Variants in GINS4 observed in about 807,000 individuals in gnomAD.
GINS4 encodes GINS complex subunit 4.
A neutral mutation model predicts 31.1 loss-of-function variants in GINS4; 20 were observed. The observed-to-expected ratio is 0.64, with a 90% CI of 0.45 to 0.93. GINS4 has a LOEUF of 0.93. Ranked by LOEUF, GINS4 falls within the 40% of genes least tolerant of loss-of-function variation. The pLI, the probability that GINS4 is intolerant of heterozygous loss-of-function variation, is 0.00. For missense variants in GINS4, 245 were observed against 273.9 expected, an observed-to-expected ratio of 0.89 and a Z score of 0.75; for synonymous variants, 85 against 97.9, an observed-to-expected ratio of 0.87 and a Z score of 0.78.
intron 1 of GINS4, chr8:41,529,734 A>C (rs562240865): frequency 7.6e-4 from 117 of 153,424 alleles, no homozygotes; most frequent in Non-Finnish European, 1.4e-3. Flanking sequence ...GAGCCCGGCC[A>C]GCTCCTAATA....
chr8:41,540,354 C>T (rs992066529), intron 6 of GINS4: 2 of 326,396 alleles, frequency 6.1e-6, no homozygotes, highest in Non-Finnish European at 1.2e-5. Context: ...AACATTGCCC[C>T]TGCTTAGAGG....
chr8:41,531,561 G>C lies in GINS4; in HGVS notation c.96+1263G>C, dbSNP rs149400182. Among the ~76,000 whole-genome samples, 3 of 152,288 alleles carry C rather than the reference G, an allele frequency of 2.0e-5. No homozygotes were observed. The East Asian group carries it at 5.8e-4, about 29-fold the overall frequency. ...ATGATTTTTAAATTATACCTTACAT[G>C]ATAATCCTTACTATTTAGCAGTGAT... is the stretch of plus-strand genomic sequence containing the variant. On this transcript the variant is annotated intron_variant, in intron 2 of 7. Coordinates refer to ENST00000276533, the MANE Select transcript of GINS4 (RefSeq NM_032336.3).
intron 2 of GINS4, among the ~76,000 whole-genome samples, chr8:41,533,012 C>T (rs1806675643): frequency 6.6e-6 from 1 of 152,124 alleles, no homozygotes; most frequent in Non-Finnish European, 1.5e-5. Flanking sequence ...TCCGCATGTA[C>T]TCTAGGAGAC....
At chr8:41,532,997 A>C (rs1806675193) in intron 2 of GINS4, among the ~76,000 whole-genome samples, 1 of 152,202 alleles carries the variant, frequency 6.6e-6, no homozygotes, top group African/African-American at 2.4e-5. Flanking sequence ...TACCTAGTGA[A>C]AACTTCCGCA....
At chr8:41,534,122 G>T (rs1370178221) in intron 2 of GINS4, 1 of 184,794 alleles carries the variant, frequency 5.4e-6, no homozygotes, top group Non-Finnish European at 1.2e-5. Context: ...TTGATCAGGG[G>T]CCAGGCACAG....
intron 2 of GINS4, among the ~76,000 whole-genome samples, chr8:41,532,805 C>G (rs1227350960): frequency 6.7e-6 from 1 of 149,204 alleles, no homozygotes; most frequent in African/African-American, 2.5e-5. Context: ...TGCACTCCAG[C>G]CTGGGCAACA....
chr8:41,536,349 T>A lies in GINS4; in HGVS notation c.97-11T>A. On this transcript the variant is annotated splice_polypyrimidine_tract_variant and intron_variant, in intron 2 of 7. Transcript: ENST00000276533. ...GGGTGATGCTTGCTTTTTCTGGCAT[T>A]TGTCTTTTAGGCCTGGATGAATGAA... is the stretch of plus-strand genomic sequence containing the variant. 1 of 1,576,634 alleles carries A rather than the reference T, an allele frequency of 6.3e-7. No homozygotes were observed. Among genetic ancestry groups the A allele is most frequent in the Non-Finnish European group, 8.7e-7 (1 of 1,145,890 alleles).
chr8:41,534,966 G>T (rs546535714), intron 2 of GINS4, among the ~76,000 whole-genome samples: 2 of 151,884 alleles, frequency 1.3e-5, no homozygotes, highest in African/African-American at 4.8e-5. Flanking sequence ...CTCGTGATCC[G>T]CCTGCCTCGG....
chr8:41,541,766 G>A (rs748396243), intron 6 of GINS4, 43 bp from the exon 7 acceptor site: 1 of 1,524,080 alleles, frequency 6.6e-7, no homozygotes, highest in Admixed American at 1.7e-5. Flanking sequence ...TGTTGACTTT[G>A]TTGGCCGAGG....
chr8:41,534,445 T>C (rs1806706671), intron 2 of GINS4: 1 of 168,886 alleles, frequency 5.9e-6, no homozygotes, highest in Non-Finnish European at 1.3e-5. Flanking sequence ...TGGATTTAGA[T>C]ACAAGTTTCT....
chr8:41,534,880 A>G (rs1806715650), intron 2 of GINS4, among the ~76,000 whole-genome samples: 1 of 151,810 alleles, frequency 6.6e-6, no homozygotes, highest in Non-Finnish European at 1.5e-5. Flanking sequence ...CAGGCGTGCC[A>G]CGCCCGGCTA....
chr8:41,540,141 T>C, intron 6 of GINS4, 137 bp downstream of exon 6: 1 of 674,468 alleles, frequency 1.5e-6, no homozygotes, highest in Non-Finnish European at 2.6e-6. Context: ...GGATTCTAGC[T>C]AAAAACCAAA....
At chr8:41,538,727 C>T (rs997677724) in intron 4 of GINS4, among the ~76,000 whole-genome samples, 4 of 151,706 alleles carry the variant, frequency 2.6e-5, no homozygotes. Context: ...TTTTTTTTGA[C>T]AGAGTCTCAC....
rs1230493361 is a variant in GINS4 at position 41,543,120 on chromosome 8, A to G, written c.*1033A>G. Reference sequence around the variant, plus strand: ...AACAGCTGTGGCCTTCTCCCGTCATACATCATTAGACTGTGTAAACTAACA... The same window carrying G: ...AACAGCTGTGGCCTTCTCCCGTCATGCATCATTAGACTGTGTAAACTAACA... On this transcript the variant is annotated 3_prime_UTR_variant, in exon 8 of 8. Coordinates refer to ENST00000276533, the MANE Select transcript of GINS4 (RefSeq NM_032336.3). 2 of 152,260 alleles carry G rather than the reference A, an allele frequency of 1.3e-5. No homozygotes were observed. The highest frequency in any genetic ancestry group is 4.8e-5 in the African/African-American group (2 of 41,468). 9.4% of individuals were successfully genotyped at this position (152,260 alleles called of 1,614,324 possible). A position where few individuals can be genotyped will look rare whatever the true frequency, so the allele number is the denominator to read the frequency against.
Position 41,539,994 on chromosome 8 carries a change from C to G in GINS4, c.474C>G (p.Leu158=), listed in dbSNP as rs1186023829. The G allele has an allele frequency of 6.2e-6, 10 of 1,613,430 alleles. No individual in the cohort carries two copies. Among genetic ancestry groups the G allele is most frequent in the Non-Finnish European group, 7.6e-6 (9 of 1,179,442 alleles). Residue 158 remains leucine (L), a synonymous_variant, in exon 6 of 8, where the codon CTC becomes CTG. Coordinates refer to ENST00000276533, the MANE Select transcript of GINS4 (RefSeq NM_032336.3). ...HMPPNLQKVD[L]FRAVPKPDLD... ...CCCCTAACTTACAGAAGGTGGACCTCTTTCGGGCAGGTAAACAGGACGTTC... is the reference window on the plus strand; with the variant it reads ...CCCCTAACTTACAGAAGGTGGACCTGTTTCGGGCAGGTAAACAGGACGTTC...
chr8:41,542,233 A>C lies in GINS4; in HGVS notation c.*146A>C. ...CCATCTTTACTAAAAATACAAAATAATTAGCCGGGTGTTGGTGGTGTGCAC... is the reference window on the plus strand; with the variant it reads ...CCATCTTTACTAAAAATACAAAATACTTAGCCGGGTGTTGGTGGTGTGCAC... On this transcript the variant is annotated 3_prime_UTR_variant, in exon 8 of 8. Coordinates refer to ENST00000276533, the MANE Select transcript of GINS4 (RefSeq NM_032336.3). 2 of 642,728 alleles carry C rather than the reference A, an allele frequency of 3.1e-6. No individual in the cohort carries two copies. Among genetic ancestry groups the C allele is most frequent in the Non-Finnish European group, 2.8e-6 (1 of 354,890 alleles). 39.8% of individuals were successfully genotyped at this position (642,728 alleles called of 1,614,324 possible).
At position 41,544,152 on chromosome 8, in the gene GINS4, A is replaced by C. The variant is rs1005208022; in HGVS notation, c.*2065A>C. ...TCAAAAGGGAGGGTGTTCCAGGCAG[A>C]GAAAACAGCCTGTGCAAAGGCCCTG... On this transcript the variant is annotated 3_prime_UTR_variant, in exon 8 of 8. Coordinates refer to ENST00000276533, the MANE Select transcript of GINS4 (RefSeq NM_032336.3). 6.6e-6 allele frequency: 1 copy of C among 152,352 alleles called. No individual in the cohort carries two copies. Among genetic ancestry groups the C allele is most frequent in the Non-Finnish European group, 1.5e-5 (1 of 68,096 alleles). 9.4% of individuals were successfully genotyped at this position (152,352 alleles called of 1,614,324 possible).
At chr8:41,535,804 C>T (rs980397547) in intron 2 of GINS4, among the ~76,000 whole-genome samples, 10 of 152,102 alleles carry the variant, frequency 6.6e-5, no homozygotes, top group African/African-American at 2.4e-5. Flanking sequence ...AGATGAGCGC[C>T]TGTTTCTATT....
At chr8:41,538,057 G>A (rs1806773431) in intron 4 of GINS4, 1 of 151,334 alleles carries the variant, frequency 6.6e-6, no homozygotes, top group Non-Finnish European at 1.5e-5. Context: ...AACATTCCTA[G>A]TTTATAACTC....
Sources: gnomAD v4.1 joint callset for allele counts (sites outside exome capture counted in the v4.1 genomes callset) on GRCh38, gnomAD v4.1.1 for gene constraint, MANE v1.5 for transcripts, NCBI Gene and HGNC (gene_info 2026-07-23, HGNC 2026-07-21) for gene names.